NUP210: variants seen among roughly 807,000 people sequenced by gnomAD.
NUP210 encodes the protein nuclear pore membrane glycoprotein 210.
NUP210 carries 151 observed loss-of-function variants against 196.0 expected under a neutral mutation model. That is an observed-to-expected ratio of 0.77 (90% confidence interval 0.67 to 0.88). The LOEUF is 0.88. NUP210 is among the 40% of genes least tolerant of loss of function. The pLI is 0.00. For synonymous variants in NUP210, 1,070 were observed against 1,052.7 expected, an observed-to-expected ratio of 1.02 and a Z score of -0.32; for missense variants, 2,314 against 2,493.7, an observed-to-expected ratio of 0.93 and a Z score of 1.53.
chr3:13,400,391 C>A (rs1241726358), intron 1 of NUP210, among the ~76,000 whole-genome samples: 1 of 152,104 alleles, frequency 6.6e-6, no homozygotes, highest in African/African-American at 2.4e-5. Context: ...CCAGTGCCTG[C>A]GGAGCGGATA....
chr3:13,411,731 T>A (rs1416896812), intron 1 of NUP210, among the ~76,000 whole-genome samples: 1 of 152,170 alleles, frequency 6.6e-6, no homozygotes, highest in Non-Finnish European at 1.5e-5. Flanking sequence ...GTATGACTTG[T>A]ATTCGTTTAT....
intron 1 of NUP210, among the ~76,000 whole-genome samples, chr3:13,408,393 T>C (rs1198791564): frequency 6.6e-6 from 1 of 152,206 alleles, no homozygotes; most frequent in Non-Finnish European, 1.5e-5. Flanking sequence ...CAATTGCTCC[T>C]TCTCTCTCTC....
intron 31 of NUP210, among the ~76,000 whole-genome samples, chr3:13,328,081 C>T (rs1033999095): frequency 4.6e-5 from 7 of 152,366 alleles, no homozygotes; most frequent in African/African-American, 1.7e-4. Flanking sequence ...AGGTCTCTAT[C>T]AGGTGCTCCT....
intron 6 of NUP210, among the ~76,000 whole-genome samples, chr3:13,381,401 CTTTCT>C (rs1051888721): frequency 1.6e-4 from 23 of 140,966 alleles, no homozygotes; most frequent in East Asian, 1.4e-3. Flanking sequence ...ACCTCTTTTT[CTTTCT>C]TTTCTTTTCT....
At chr3:13,413,670 G>A (rs1700251877) in intron 1 of NUP210, among the ~76,000 whole-genome samples, 1 of 152,140 alleles carries the variant, frequency 6.6e-6, no homozygotes, top group Non-Finnish European at 1.5e-5. Context: ...AAAAGATGGT[G>A]TTGGCCAAGG....
chr3:13,391,503 C>T (rs921021374), intron 3 of NUP210, among the ~76,000 whole-genome samples, 196 bp from the exon 4 acceptor site: 54 of 151,632 alleles, frequency 3.6e-4, no homozygotes, highest in African/African-American at 1.1e-3. Context: ...GTCATGTGAC[C>T]ACCAGGGGGC....
At chr3:13,391,179 A>G (rs374681514) in intron 4 of NUP210, 32 bp downstream of exon 4, 219 of 1,536,042 alleles carry the variant, frequency 1.4e-4, no homozygotes, top group Non-Finnish European at 1.9e-4. Flanking sequence ...CTTCCCTTCA[A>G]AGGGGCCAGG....
intron 27 of NUP210, 128 bp from the exon 28 acceptor site, chr3:13,335,740 G>A (rs942313676): frequency 9.5e-7 from 1 of 1,055,248 alleles, no homozygotes; most frequent in African/African-American, 1.6e-5. Flanking sequence ...CTGTTCTCAA[G>A]GGCTCTGCCT....
chr3:13,382,123 A>G (rs1576403594), intron 6 of NUP210, among the ~76,000 whole-genome samples: 1 of 152,208 alleles, frequency 6.6e-6, no homozygotes, highest in African/African-American at 2.4e-5. Flanking sequence ...ATTTTATTTC[A>G]GTAATTCCAG....
chr3:13,324,771 A>G (rs1263275029), intron 33 of NUP210, among the ~76,000 whole-genome samples: 1 of 152,194 alleles, frequency 6.6e-6, no homozygotes, highest in African/African-American at 2.4e-5. Context: ...GCACTGTTTA[A>G]AAAACTCCAC....
At chr3:13,405,915 C>T (rs1032992333) in intron 1 of NUP210, among the ~76,000 whole-genome samples, 1 of 152,132 alleles carries the variant, frequency 6.6e-6, no homozygotes, top group African/African-American at 2.4e-5. Context: ...CACAGATGAG[C>T]TATTTTTTAA....
intron 20 of NUP210, 36 bp from the exon 21 acceptor site, chr3:13,343,339 T>TGGGGGGGGGGGGGTGGGGGGGG: frequency 3.5e-6 from 1 of 282,522 alleles, no homozygotes; most frequent in Non-Finnish European, 6.1e-6. Context: ...GGGTGGGTGG[T>TGGGGGGGGGGGGGTGGGGGGGG]GGGTTACGCA....
rs529215549 is a variant in NUP210, at chr3:13,350,647, G to A, written c.2835+1232C>T. Among the ~76,000 whole-genome samples the A allele has an allele frequency of 2.7e-4, 40 of 149,290 alleles. No individual in the cohort carries two copies. Among genetic ancestry groups the A allele is most frequent in the African/African-American group, 7.9e-4 (32 of 40,704 alleles). ...TGATAACAATCTCATATCAAACAGC[G>A]AATATCAATAAAGGGGAAAAGTTAC... On this transcript the variant is annotated intron_variant, in intron 20 of 39. Coordinates refer to ENST00000254508, the MANE Select transcript of NUP210 (RefSeq NM_024923.4). This position sits in a 1 kb window ranked among gnomAD's most constrained non-coding sequence, Gnocchi z 4.1.
intron 13 of NUP210, among the ~76,000 whole-genome samples, chr3:13,366,846 C>T (rs1351628376): frequency 2.0e-5 from 3 of 151,374 alleles, no homozygotes; most frequent in Admixed American, 6.6e-5. Context: ...TTAATTCAGC[C>T]AGGCACGGTG....
In NUP210 at chr3:13,420,104, C is replaced by A; in HGVS notation, c.123G>T (p.Thr41=). 1 of 1,380,590 alleles carries A rather than the reference C, an allele frequency of 7.2e-7. No homozygotes were observed. The highest frequency in any genetic ancestry group is 9.6e-7 in the Non-Finnish European group (1 of 1,046,188). The allele number at this position is 1,380,590 out of a possible 1,614,324, so 85.5% of individuals were successfully genotyped here. ...PKVLLPFTRA[T]RVNFTLEASE... ...AGGCCTCCAGCGTGAAGTTAACGCGCGTGGCCCGCGTGAAGGGCAGCAGCA... is the reference window on the plus strand; with the variant it reads ...AGGCCTCCAGCGTGAAGTTAACGCGAGTGGCCCGCGTGAAGGGCAGCAGCA... Residue 41 remains threonine, a synonymous_variant, in exon 1 of 40, where the codon ACG becomes ACT. Coordinates refer to ENST00000254508, the MANE Select transcript of NUP210 (RefSeq NM_024923.4). This position sits in a 1 kb window ranked among gnomAD's most constrained non-coding sequence, Gnocchi z 4.8.
intron 36 of NUP210, among the ~76,000 whole-genome samples, chr3:13,320,615 A>T (rs1696482352): frequency 6.9e-6 from 1 of 144,548 alleles, no homozygotes; most frequent in Non-Finnish European, 1.5e-5. Context: ...CCTGGGCGAC[A>T]GAGCGAGACT....
intron 20 of NUP210, among the ~76,000 whole-genome samples, chr3:13,349,593 C>T (rs1210654848): frequency 2.0e-5 from 3 of 152,218 alleles, no homozygotes; most frequent in Non-Finnish European, 2.9e-5. Context: ...GCAGGTGTCA[C>T]CAGAGAGAGA....
chr3:13,399,731 C>T lies in NUP210; in HGVS notation c.298G>A (p.Asp100Asn). The change falls in exon 2 of 40, where the codon GAC becomes AAC. Residue 100 changes from aspartate to asparagine, a missense_variant. By Grantham distance (23) the Asp-to-Asn change is conservative (BLOSUM62 1). Coordinates refer to ENST00000254508, the MANE Select transcript of NUP210 (RefSeq NM_024923.4). Reference protein sequence around the residue: ...ARLTSIIFAEDITTGQVLRCD... With the variant: ...ARLTSIIFAENITTGQVLRCD... The stretch of plus-strand genomic sequence containing the variant: ...CACAGCACTCAGCCCTTACTGATGT[C>T]CTCTGCGAAGATGATGCTGGTGAGG... 6.2e-7 allele frequency: 1 copy of T among 1,614,172 alleles called. No homozygotes were observed. Among genetic ancestry groups the T allele is most frequent in the Non-Finnish European group, 8.5e-7 (1 of 1,180,014 alleles).
chr3:13,388,315 C>T lies in NUP210; in HGVS notation c.672G>A (p.Glu224=). The change falls in exon 5 of 40, where the codon GAG becomes GAA. Residue 224 remains glutamate (E), a synonymous_variant. Coordinates refer to ENST00000254508, the MANE Select transcript of NUP210 (RefSeq NM_024923.4). ...GSSKLKARIQ[E]AVYKNVRPAE... is the part of the protein sequence containing the mutation. ...GCCCCAGGCCCACCTTGTAGACAGC[C>T]TCCTGGATGCGAGCCTTGAGCTTGG... The T allele has an allele frequency of 6.2e-7, 1 of 1,607,818 alleles. No homozygotes were observed. The highest frequency in any genetic ancestry group is 8.5e-7 in the Non-Finnish European group (1 of 1,177,478).
Sources: allele counts gnomAD v4.1 joint callset (sites outside exome capture counted in the v4.1 genomes callset), GRCh38; gene constraint gnomAD v4.1.1; non-coding constraint Gnocchi (gnomAD v3.1); transcripts MANE v1.5; gene names NCBI Gene and HGNC (gene_info 2026-07-23, HGNC 2026-07-21).